Variants in GNG7 observed in about 807,000 individuals in gnomAD.
The protein encoded by GNG7 is guanine nucleotide-binding protein G(I)/G(S)/G(O) subunit gamma-7.
A neutral mutation model predicts 4.0 loss-of-function variants in GNG7; 1 was observed. The observed-to-expected ratio is 0.25, with a 90% CI of 0.09 to 1.18. The LOEUF (loss-of-function observed/expected upper bound fraction) is 1.18, where lower values mean the gene tolerates loss of function less well. Ranked by LOEUF, GNG7 falls within the 50% of genes most tolerant of loss-of-function variation. GNG7 has a pLI of 0.50. For synonymous variants in GNG7, 34 were observed against 36.9 expected (o/e 0.92, Z 0.29); for missense variants, 86 against 91.9 (o/e 0.94, Z 0.26).
At chr19:2,553,947 T>C (rs1979462104) in intron 3 of GNG7, among the ~76,000 whole-genome samples, 4 of 140,696 alleles carry the variant, frequency 2.8e-5, no homozygotes, top group African/African-American at 1.1e-4. Flanking sequence ...TAATATATTA[T>C]ATGTAATATA....
rs542110107 is a variant in GNG7 at position 2,653,335 on chromosome 19, T to C, written c.-134-7055A>G. Reference sequence around the variant, plus strand: ...GATTTGCAACAGACAAACACAGAGCTGGGAAATTCCGCAGCAGGGCAGATG... The same window carrying C: ...GATTTGCAACAGACAAACACAGAGCCGGGAAATTCCGCAGCAGGGCAGATG... On this transcript the variant is annotated intron_variant, in intron 1 of 4. Transcript: ENST00000382159. This position sits in a 1 kb window ranked among gnomAD's most constrained non-coding sequence, Gnocchi z 4.8. Among the ~76,000 whole-genome samples the C allele has an allele frequency of 3.3e-5, 5 of 152,248 alleles. No individual in the cohort carries two copies. In the East Asian group the frequency reaches 7.7e-4, roughly 24 times the overall value.
intron 2 of GNG7, among the ~76,000 whole-genome samples, chr19:2,605,662 C>A (rs550362148): frequency 6.6e-6 from 1 of 150,576 alleles, no homozygotes; most frequent in Non-Finnish European, 1.5e-5. Flanking sequence ...TACAGGCATG[C>A]GCCACCACAC....
intron 2 of GNG7, among the ~76,000 whole-genome samples, chr19:2,575,476 CGCAGGCACAT>C (rs200858667): frequency 6.6e-6 from 1 of 152,008 alleles, no homozygotes; most frequent in Non-Finnish European, 1.5e-5. Context: ...CGCAGGCACA[CGCAGGCACAT>C]GCAGACACGC....
At chr19:2,689,198 CAA>C (rs11308208) in intron 1 of GNG7, among the ~76,000 whole-genome samples, 11 of 145,938 alleles carry the variant, frequency 7.5e-5, no homozygotes, top group African/African-American at 1.8e-4. Flanking sequence ...AAAAATAATG[CAA>C]AAAAAAAGGG....
chr19:2,531,229 G>A (rs965621517), intron 3 of GNG7, among the ~76,000 whole-genome samples: 4 of 149,884 alleles, frequency 2.7e-5, no homozygotes, highest in African/African-American at 7.4e-5. Context: ...CCTTGAATCC[G>A]GGAGACGGTG....
chr19:2,581,355 C>T (rs1300540833), intron 2 of GNG7, among the ~76,000 whole-genome samples: 1 of 150,646 alleles, frequency 6.6e-6, no homozygotes, highest in East Asian at 2.0e-4. Context: ...CGGAGGGTGT[C>T]TCTCGGGTGG....
chr19:2,599,265 C>T (rs1400092797), intron 2 of GNG7, among the ~76,000 whole-genome samples: 1 of 152,056 alleles, frequency 6.6e-6, no homozygotes. Context: ...TGGTAGATGT[C>T]TGTCTGTCTG....
intron 2 of GNG7, among the ~76,000 whole-genome samples, chr19:2,569,510 C>T (rs1190162334): frequency 3.9e-5 from 6 of 152,124 alleles, no homozygotes; most frequent in South Asian, 2.1e-4. Context: ...CTCCTGACCT[C>T]GGGATCCACC....
intron 2 of GNG7, among the ~76,000 whole-genome samples, chr19:2,616,017 T>C (rs1180041172): frequency 1.3e-5 from 2 of 152,174 alleles, no homozygotes; most frequent in Non-Finnish European, 1.5e-5. Context: ...CTTTTTCCCC[T>C]GGTGCCAGCA....
chr19:2,597,813 G>A (rs532990734), intron 2 of GNG7, among the ~76,000 whole-genome samples: 32 of 143,598 alleles, frequency 2.2e-4, no homozygotes, highest in Non-Finnish European at 3.8e-4. Context: ...GGAGAATGGC[G>A]TGAACCCAGG....
In GNG7 at chr19:2,536,143, C is replaced by A. The variant is rs140946668; in HGVS notation, c.-37-15418G>T. ...ATCTCAAAAAGAAAAGAAGGCCGGG[C>A]GCGGTGGCTCCCACCCGTAATCCCA... is the stretch of plus-strand genomic sequence containing the variant. On this transcript the variant is annotated intron_variant, in intron 3 of 4. Transcript: ENST00000382159. 6.6e-5 allele frequency among the ~76,000 whole-genome samples: 10 copies of A among 151,790 alleles called. 1 individual carries two copies. The East Asian group carries it at 1.9e-3, about 29-fold the overall frequency.
intron 2 of GNG7, among the ~76,000 whole-genome samples, chr19:2,566,423 G>C (rs924806141): frequency 6.6e-6 from 1 of 152,146 alleles, no homozygotes; most frequent in African/African-American, 2.4e-5. Context: ...CTCCAGAGCG[G>C]AGAGAGAATG....
intron 2 of GNG7, among the ~76,000 whole-genome samples, chr19:2,565,659 A>G (rs6510687): frequency 0.83 from 126,987 of 152,212 alleles, 53,236 homozygotes; most frequent in African/African-American, 0.9. Flanking sequence ...AATCACTGGG[A>G]GAGGCCCATC....
chr19:2,639,470 G>A (rs1051087856), intron 2 of GNG7, among the ~76,000 whole-genome samples: 8 of 34,806 alleles, frequency 2.3e-4, no homozygotes, highest in Non-Finnish European at 3.9e-4. Context: ...ACAAAGATGA[G>A]CGCCCCTACT....
chr19:2,651,249 C>CTTCCTTCCTTCCT (rs1568274446), intron 1 of GNG7, among the ~76,000 whole-genome samples: 10 of 54,912 alleles, frequency 1.8e-4, no homozygotes, highest in Non-Finnish European at 4.3e-4. Flanking sequence ...CCTTCCTTTC[C>CTTCCTTCCTTCCT]TTCCTTCCTT....
intron 2 of GNG7, among the ~76,000 whole-genome samples, chr19:2,575,207 C>G (rs1322063652): frequency 6.6e-6 from 1 of 151,930 alleles, no homozygotes; most frequent in Non-Finnish European, 1.5e-5. Context: ...ACCTCAGCCT[C>G]CAGAGTAGCT....
rs566220195 is a variant in GNG7 at position 2,557,356 on chromosome 19, G to GAC, written c.-77-2170_-77-2169dup. Reference sequence around the variant, plus strand: ...AGACACACACATGTGCACACACACAGACACACACACACGTGCACGCACACA... The same window carrying GAC: ...AGACACACACATGTGCACACACACAGACACACACACACACGTGCACGCACACA... On this transcript the variant is annotated intron_variant, in intron 2 of 4. Coordinates refer to ENST00000382159, the MANE Select transcript of GNG7 (RefSeq NM_052847.3). The surrounding 1 kb of genome is among the most constrained non-coding windows in gnomAD (Gnocchi z 5.1). Among the ~76,000 whole-genome samples the GAC allele has an allele frequency of 9.1e-3, 859 of 94,150 alleles. 8 individuals carry two copies. Among genetic ancestry groups the GAC allele is most frequent in the African/African-American group, 0.027 (807 of 29,386 alleles). 61.8% of individuals were successfully genotyped at this position (94,150 alleles called of 152,430 possible). A position where few individuals can be genotyped will look rare whatever the true frequency, so the allele number is the denominator to read the frequency against.
intron 2 of GNG7, among the ~76,000 whole-genome samples, chr19:2,637,082 G>T (rs1256488026): frequency 7.5e-6 from 1 of 132,940 alleles, no homozygotes; most frequent in African/African-American, 2.8e-5. Context: ...TGCACCCCCC[G>T]CATCTCCAGC....
chr19:2,702,194 T>C, intron 1 of GNG7, among the ~76,000 whole-genome samples: 1 of 79,316 alleles, frequency 1.3e-5, no homozygotes, highest in Non-Finnish European at 2.4e-5. Context: ...CTCAGCTAAC[T>C]CAGACCTCCA....
Sources: allele counts gnomAD v4.1 joint callset (sites outside exome capture counted in the v4.1 genomes callset), GRCh38; gene constraint gnomAD v4.1.1; non-coding constraint Gnocchi (gnomAD v3.1); transcripts MANE v1.5; gene names NCBI Gene and HGNC (gene_info 2026-07-23, HGNC 2026-07-21).